Variants in AHRR observed in about 807,000 individuals in gnomAD.
AHRR encodes the protein aryl hydrocarbon receptor repressor.
In AHRR, 28 loss-of-function variants were observed where a neutral mutation model predicts 44.0. That is an observed-to-expected ratio of 0.64 (90% CI 0.47 to 0.87). The LOEUF (loss-of-function observed/expected upper bound fraction) is 0.87, where lower values mean the gene tolerates loss of function less well. Ranked by LOEUF, AHRR falls within the 40% of genes least tolerant of loss-of-function variation. AHRR has a pLI of 0.00. For synonymous variants in AHRR, 434 were observed against 407.0 expected (o/e 1.07, Z -0.80); for missense variants, 990 against 953.9 (o/e 1.04, Z -0.50).
At chr5:397,431 A>C (rs1579665110) in intron 4 of AHRR, among the ~76,000 whole-genome samples, 3 of 97,230 alleles carry the variant, frequency 3.1e-5, no homozygotes, top group South Asian at 9.7e-4. Context: ...CTGACCATCC[A>C]CGTAGCTCCT....
intron 10 of AHRR, 52 bp from the exon 11 acceptor site, chr5:433,801 C>T: frequency 6.9e-7 from 1 of 1,448,232 alleles, no homozygotes; most frequent in South Asian, 1.6e-5. Context: ...CCAGGGCAGC[C>T]AGACCTGGTG....
Position 434,441 on chromosome 5 carries a change from T to C in AHRR, c.1701T>C (p.Pro567=). 1.2e-6 allele frequency: 2 copies of C among 1,613,374 alleles called. No individual in the cohort carries two copies. The highest frequency in any genetic ancestry group is 2.7e-5 in the African/African-American group (2 of 75,022). The change falls in exon 11 of 11, where the codon CCT becomes CCC. Residue 567 remains proline, a synonymous_variant. Coordinates refer to ENST00000684583, the MANE Select transcript of AHRR (RefSeq NM_001377236.1). Reference sequence around the variant, plus strand: ...ACAGGAGCCACCCAGCCACCTTCCCTACCAGGATGCACCTGAAAACAGAGC... The same window carrying C: ...ACAGGAGCCACCCAGCCACCTTCCCCACCAGGATGCACCTGAAAACAGAGC... The part of the protein sequence containing the change: ...ASDRSHPATF[P]TRMHLKTEPD...
At position 338,937 on chromosome 5, in the gene AHRR, T is replaced by C. The variant is rs1240879729; in HGVS notation, c.-10-4956T>C. Among the ~76,000 whole-genome samples, 5 of 152,210 alleles carry C rather than the reference T, an allele frequency of 3.3e-5. No homozygotes were observed. Among genetic ancestry groups the C allele is most frequent in the African/African-American group, 1.2e-4 (5 of 41,448 alleles). On this transcript the variant is annotated intron_variant, in intron 1 of 10. Transcript: ENST00000684583. This position sits in a 1 kb window ranked among gnomAD's most constrained non-coding sequence, Gnocchi z 4.1. Reference sequence around the variant, plus strand: ...TCTTGAAATACCTATTTTATTTTTATTGGGGTGCTATTGTAAATGATACTA... The same window carrying C: ...TCTTGAAATACCTATTTTATTTTTACTGGGGTGCTATTGTAAATGATACTA...
chr5:332,081 T>G (rs889639749), intron 1 of AHRR, among the ~76,000 whole-genome samples: 2 of 152,206 alleles, frequency 1.3e-5, no homozygotes, highest in Non-Finnish European at 2.9e-5. Context: ...AGGAGCATAT[T>G]GTTTAATTTC....
intron 3 of AHRR, among the ~76,000 whole-genome samples, chr5:373,137 G>A (rs1579635254): frequency 6.6e-6 from 1 of 152,372 alleles, no homozygotes; most frequent in Non-Finnish European, 1.5e-5. Flanking sequence ...GTTCTGCGCG[G>A]TTGGCAGAGT....
At chr5:324,839 G>A (rs1741647255) in intron 1 of AHRR, among the ~76,000 whole-genome samples, 3 of 152,096 alleles carry the variant, frequency 2.0e-5, no homozygotes, top group African/African-American at 7.2e-5. Flanking sequence ...TATTCAGGGG[G>A]CACTGGCTGT....
chr5:433,823 T>C (rs1353196295), intron 10 of AHRR, 30 bp from the exon 11 acceptor site: 3 of 1,474,686 alleles, frequency 2.0e-6, no homozygotes, highest in Middle Eastern at 5.0e-4. Flanking sequence ...CTTCAGCTGC[T>C]GTCAAATGGG....
At chr5:431,172 G>A (rs925626013) in intron 8 of AHRR, among the ~76,000 whole-genome samples, 1 of 152,192 alleles carries the variant, frequency 6.6e-6, no homozygotes, top group Non-Finnish European at 1.5e-5. Context: ...CCCTGTGTGC[G>A]CACAGCCCTG....
At chr5:382,987 A>C (rs1349097295) in intron 4 of AHRR, among the ~76,000 whole-genome samples, 1 of 152,168 alleles carries the variant, frequency 6.6e-6, no homozygotes, top group East Asian at 1.9e-4. Flanking sequence ...TTAGTTCAAA[A>C]TGGTTTCTAA....
chr5:323,745 C>T (rs868224627), intron 1 of AHRR, among the ~76,000 whole-genome samples: 6 of 152,106 alleles, frequency 3.9e-5, no homozygotes, highest in Admixed American at 1.3e-4. Context: ...GGAGAGATGC[C>T]GCCGGGTGGC....
rs376223476 is a variant in AHRR at position 433,982 on chromosome 5, G to A, written c.1242G>A (p.Pro414=). 37 of 1,569,336 alleles carry A rather than the reference G, an allele frequency of 2.4e-5. No individual in the cohort carries two copies. The highest frequency in any genetic ancestry group is 8.1e-5 in the African/African-American group (6 of 73,920). Residue 414 remains proline (P), a synonymous_variant, in exon 11 of 11, where the codon CCG becomes CCA. Transcript: ENST00000684583. ...AGKHSEDGAR[P]RLQPSKNDPP... ...AGCACAGTGAGGATGGTGCCAGGCCGAGGCTGCAGCCCAGCAAGAATGACC... is the reference window on the plus strand; with the variant it reads ...AGCACAGTGAGGATGGTGCCAGGCCAAGGCTGCAGCCCAGCAAGAATGACC...
rs78235811 is a variant in AHRR at position 435,141 on chromosome 5, C to T, written c.*307C>T. 26,856 of 353,990 alleles carry T rather than the reference C, an allele frequency of 0.076. 1,260 individuals carry two copies. The highest frequency in any genetic ancestry group is 0.12 in the Admixed American group (2,830 of 22,740). 21.9% of individuals were successfully genotyped at this position (353,990 alleles called of 1,614,324 possible). ...GCTGGACAGCTTCATGCCCCAGAGG[C>T]AGCGAGCACCCGTCCCATGGCTGCC... is the stretch of plus-strand genomic sequence containing the variant. On this transcript the variant is annotated 3_prime_UTR_variant, in exon 11 of 11. Transcript: ENST00000684583.
rs1734681651 is a variant in AHRR, at chr5:395,890, C to T, written c.352-17454C>T. ...AGGGATGAGCGTCCCCTTCCTCCAG[C>T]TTCCTCCATGCAGTGATGTTGCCTG... On this transcript the variant is annotated intron_variant, in intron 4 of 10. Transcript: ENST00000684583. The surrounding 1 kb of genome is among the most constrained non-coding windows in gnomAD (Gnocchi z 5.3). 6.6e-6 allele frequency among the ~76,000 whole-genome samples: 1 copy of T among 152,202 alleles called. No homozygotes were observed. Among genetic ancestry groups the T allele is most frequent in the African/African-American group, 2.4e-5 (1 of 41,446 alleles).
intron 3 of AHRR, 107 bp from the exon 4 acceptor site, chr5:376,503 G>C (rs879165625): frequency 3.9e-6 from 1 of 255,152 alleles, no homozygotes; most frequent in Non-Finnish European, 8.0e-6. Context: ...CAGATGTCAG[G>C]TGAGAACCGT....
At position 405,650 on chromosome 5, in the gene AHRR, C is replaced by A. The variant is rs1212298978; in HGVS notation, c.352-7694C>A. Among the ~76,000 whole-genome samples the A allele has an allele frequency of 1.3e-5, 2 of 152,214 alleles. No homozygotes were observed. The highest frequency in any genetic ancestry group is 4.8e-5 in the African/African-American group (2 of 41,472). ...CCCTTCAGGTCGGTGGGAGTGAGGG[C>A]CTTCGGGTCGCCGGCACCTGACCCA... On this transcript the variant is annotated intron_variant, in intron 4 of 10. Transcript: ENST00000684583. The surrounding 1 kb of genome is among the most constrained non-coding windows in gnomAD (Gnocchi z 4.5).
rs71598655 is a variant in AHRR at position 392,396 on chromosome 5, T to C, written c.351+15680T>C. On this transcript the variant is annotated intron_variant, in intron 4 of 10. Coordinates refer to ENST00000684583, the MANE Select transcript of AHRR (RefSeq NM_001377236.1). ...GGCGCAGGGCGAGGAGGGCGCAGGGTGAGGCAGGGCCAGAGCGTGCACGAA... is the reference window on the plus strand; with the variant it reads ...GGCGCAGGGCGAGGAGGGCGCAGGGCGAGGCAGGGCCAGAGCGTGCACGAA... Among the ~76,000 whole-genome samples, 198 of 59,054 alleles carry C rather than the reference T, an allele frequency of 3.4e-3. 1 individual carries two copies. Among genetic ancestry groups the C allele is most frequent in the Middle Eastern group, 0.015 (1 of 66 alleles). The allele number at this position is 59,054 out of a possible 152,430, so 38.7% of individuals were successfully genotyped here.
chr5:331,066 G>A (rs1426886451), intron 1 of AHRR, among the ~76,000 whole-genome samples: 3 of 151,608 alleles, frequency 2.0e-5, no homozygotes, highest in Non-Finnish European at 4.4e-5. Flanking sequence ...TAGTAGAGAC[G>A]GGCTTTCACC....
chr5:328,307 G>A (rs1191306796), intron 1 of AHRR, among the ~76,000 whole-genome samples: 7 of 112,494 alleles, frequency 6.2e-5, no homozygotes, highest in Admixed American at 2.8e-4. Context: ...TCCCTCTGTC[G>A]CCCAGGCTGG....
chr5:379,687 T>A (rs1733903890), intron 4 of AHRR, among the ~76,000 whole-genome samples: 1 of 152,242 alleles, frequency 6.6e-6, no homozygotes, highest in South Asian at 2.1e-4. Context: ...CCAGCTCATT[T>A]GCTTGTTTAC....
Sources: allele counts gnomAD v4.1 joint callset (sites outside exome capture counted in the v4.1 genomes callset), GRCh38; gene constraint gnomAD v4.1.1; non-coding constraint Gnocchi (gnomAD v3.1); transcripts MANE v1.5; gene names NCBI Gene and HGNC (gene_info 2026-07-23, HGNC 2026-07-21).